The following TNNI3K variants were observed in gnomAD, a reference collection of about 807,000 sequenced individuals.
The protein encoded by TNNI3K is TNNI3 interacting kinase, also known as serine/threonine-protein kinase TNNI3K.
Under a neutral mutation model 114.5 loss-of-function variants are expected in TNNI3K, and 140 were observed. That is an observed-to-expected ratio of 1.22 (90% CI 1.07 to 1.41). The LOEUF is 1.41. TNNI3K is among the 40% of genes most tolerant of loss of function. The pLI is 0.00. For synonymous variants in TNNI3K, 347 were observed against 347.5 expected (o/e 1.00, Z 0.02); for missense variants, 1,125 against 1,007.6 (o/e 1.12, Z -1.58).
chr1:74,475,116 C>CCCCACA (rs371437916), intron 21 of TNNI3K, among the ~76,000 whole-genome samples: 2 of 135,912 alleles, frequency 1.5e-5, no homozygotes, highest in Non-Finnish European at 3.1e-5. Flanking sequence ...CCACCTCAGC[C>CCCCACA]CACACACACA....
intron 24 of TNNI3K, among the ~76,000 whole-genome samples, chr1:74,543,413 G>A (rs1646751062): frequency 6.6e-6 from 1 of 152,002 alleles, no homozygotes; most frequent in South Asian, 2.1e-4. Context: ...GCCATCTTTT[G>A]TTTAGCATTC....
chr1:74,250,768 A>G lies in TNNI3K; in HGVS notation c.332A>G (p.Lys111Arg). ...ACAGCCTTGCATTTAGCAGTTTACAAGGTAGGACACTTTAATTCCCATAAA... is the reference window on the plus strand; with the variant it reads ...ACAGCCTTGCATTTAGCAGTTTACAGGGTAGGACACTTTAATTCCCATAAA... ...GFTALHLAVYKDNAELITSLL... is the reference protein window; with the variant it reads ...GFTALHLAVYRDNAELITSLL... The change falls in exon 4 of 25, where the codon AAG becomes AGG. Residue 111 changes from lysine to arginine, a missense_variant and splice_region_variant. Coordinates refer to ENST00000326637, the MANE Select transcript of TNNI3K (RefSeq NM_015978.3). 3 of 1,607,666 alleles carry G rather than the reference A, an allele frequency of 1.9e-6. No individual in the cohort carries two copies. The highest frequency in any genetic ancestry group is 2.5e-6 in the Non-Finnish European group (3 of 1,177,278).
intron 5 of TNNI3K, among the ~76,000 whole-genome samples, chr1:74,283,906 G>A (rs542390066): frequency 1.6e-3 from 237 of 152,178 alleles, no homozygotes; most frequent in Middle Eastern, 3.4e-3. Context: ...GGTAAGAAAC[G>A]CCTATATATT....
intron 5 of TNNI3K, among the ~76,000 whole-genome samples, chr1:74,327,906 T>C (rs1224496409): frequency 6.6e-6 from 1 of 151,150 alleles, no homozygotes; most frequent in East Asian, 1.9e-4. Flanking sequence ...AGAAAAAAAA[T>C]CATGACCATA....
At chr1:74,473,719 C>T (rs1260887548) in intron 21 of TNNI3K, among the ~76,000 whole-genome samples, 1 of 151,954 alleles carries the variant, frequency 6.6e-6, no homozygotes, top group East Asian at 1.9e-4. Flanking sequence ...TCTGGGTGAC[C>T]TTGGAGAAGC....
At chr1:74,531,214 C>G (rs563564300) in intron 23 of TNNI3K, among the ~76,000 whole-genome samples, 1 of 152,318 alleles carries the variant, frequency 6.6e-6, no homozygotes, top group Admixed American at 6.5e-5. Flanking sequence ...GGCACTTGCC[C>G]ATTCTCTGTA....
rs369621662 is a variant in TNNI3K, at chr1:74,543,994, G to A, written c.*12G>A. 1.3e-4 allele frequency: 205 copies of A among 1,610,798 alleles called. 1 individual carries two copies. The highest frequency in any genetic ancestry group is 1.6e-4 in the Non-Finnish European group (185 of 1,178,782). ...AGGACAGCAGCTGACAGCATTCGGC[G>A]TATACCTAAGGAGAGTTTTTTCCCC... On this transcript the variant is annotated 3_prime_UTR_variant, in exon 25 of 25. Transcript: ENST00000326637.
chr1:74,389,370 G>A (rs1236567295), intron 17 of TNNI3K, among the ~76,000 whole-genome samples: 1 of 152,182 alleles, frequency 6.6e-6, no homozygotes, highest in Non-Finnish European at 1.5e-5. Flanking sequence ...TGCACATAAA[G>A]ATGTTGAAAC....
At chr1:74,529,332 G>T (rs1646550388) in intron 23 of TNNI3K, among the ~76,000 whole-genome samples, 2 of 152,082 alleles carry the variant, frequency 1.3e-5, no homozygotes, top group South Asian at 4.1e-4. Context: ...CTCCAAAGAT[G>T]CATAATTTGA....
intron 5 of TNNI3K, among the ~76,000 whole-genome samples, chr1:74,279,592 C>CAGTGAATG (rs1656880251): frequency 6.6e-6 from 1 of 151,662 alleles, no homozygotes; most frequent in African/African-American, 2.4e-5. Flanking sequence ...TAAATAGAAA[C>CAGTGAATG]AATGAATGAA....
In TNNI3K at chr1:74,470,986, G is replaced by A. The variant is rs1667899067; in HGVS notation, c.2121+7436G>A. The A allele has an allele frequency of 7.5e-6, 3 of 400,716 alleles. No individual in the cohort carries two copies. In the East Asian group the frequency reaches 1.1e-4, roughly 14 times the overall value. The allele number at this position is 400,716 out of a possible 1,614,324, so 24.8% of individuals were successfully genotyped here. A position where few individuals can be genotyped will look rare whatever the true frequency, so the allele number is the denominator to read the frequency against. ...AACATCACTTCCTGTATTTTCCCAA[G>A]TAGTTGCTAAATAACTAAGCACTTT... On this transcript the variant is annotated intron_variant, in intron 21 of 24. Transcript: ENST00000326637.
chr1:74,430,152 T>G (rs1197918562), intron 17 of TNNI3K, among the ~76,000 whole-genome samples: 1 of 152,132 alleles, frequency 6.6e-6, no homozygotes, highest in African/African-American at 2.4e-5. Flanking sequence ...AGTCCAGCTC[T>G]GGAAGAAAAT....
chr1:74,245,692 G>A (rs954037543), intron 2 of TNNI3K, among the ~76,000 whole-genome samples: 1 of 152,220 alleles, frequency 6.6e-6, no homozygotes, highest in South Asian at 2.1e-4. Flanking sequence ...AATAGAAAAA[G>A]AAAAAGTGCT....
intron 5 of TNNI3K, among the ~76,000 whole-genome samples, chr1:74,275,028 A>G (rs938460485): frequency 6.6e-6 from 1 of 152,098 alleles, no homozygotes; most frequent in African/African-American, 2.4e-5. Context: ...TGTAAGCTGA[A>G]CCATCGTAAG....
intron 23 of TNNI3K, among the ~76,000 whole-genome samples, chr1:74,519,888 C>G (rs1161695144): frequency 6.6e-6 from 1 of 152,144 alleles, no homozygotes; most frequent in African/African-American, 2.4e-5. Context: ...TGTGGGAGCA[C>G]AGATCCACCT....
intron 21 of TNNI3K, chr1:74,480,094 G>A (rs1348340209): frequency 9.1e-6 from 6 of 656,418 alleles, no homozygotes; most frequent in African/African-American, 3.6e-5. Flanking sequence ...CACTTAGCAT[G>A]CTGCAAAAAT....
At chr1:74,475,759 T>C in intron 21 of TNNI3K, 1 of 644,258 alleles carries the variant, frequency 1.6e-6, no homozygotes. Flanking sequence ...TTTGCCTTGG[T>C]GGAGTTTCCA....
In TNNI3K at chr1:74,369,552, G is replaced by T. The variant is rs1317738770; in HGVS notation, c.1634G>T (p.Gly545Val). The T allele has an allele frequency of 1.2e-6, 2 of 1,610,796 alleles. No individual in the cohort carries two copies. Among genetic ancestry groups the T allele is most frequent in the African/African-American group, 2.7e-5 (2 of 74,676 alleles). Residue 545 changes from glycine (G) to valine (V), a missense_variant, in exon 16 of 25, where the codon GGT becomes GTT. By Grantham distance (109) the Gly-to-Val change is moderately radical. Transcript: ENST00000326637. ...FAIVTQYISG[G>V]SLFSLLHEQK... The stretch of plus-strand genomic sequence containing the variant: ...ATTGTCACTCAATACATATCAGGGG[G>T]TTCTCTGTTCTCCCTCCTTCATGAG...
In TNNI3K at chr1:74,238,865, G is replaced by A. The variant is rs1570354723; in HGVS notation, c.149+2655G>A. ...ACTAGGGGCCTCTTATGTTAATGGA[G>A]ATGGAGACTGTAGTACTTGCTAAAA... On this transcript the variant is annotated intron_variant, in intron 2 of 24. Transcript: ENST00000326637. Among the ~76,000 whole-genome samples the A allele has an allele frequency of 2.0e-5, 3 of 152,004 alleles. No homozygotes were observed. In the East Asian group the frequency reaches 5.8e-4, roughly 29 times the overall value.
Sources: allele counts gnomAD v4.1 joint callset (sites outside exome capture counted in the v4.1 genomes callset), GRCh38; gene constraint gnomAD v4.1.1; transcripts MANE v1.5; gene names NCBI Gene and HGNC (gene_info 2026-07-23, HGNC 2026-07-21).